KAZN: variants seen among roughly 807,000 people sequenced by gnomAD.
KAZN encodes the protein kazrin.
Under a neutral mutation model 87.4 loss-of-function variants are expected in KAZN, and 40 were observed. The ratio of observed to expected loss-of-function variants is 0.46; its 90% confidence interval spans 0.36 to 0.60. The LOEUF (loss-of-function observed/expected upper bound fraction) is 0.60, where lower values mean the gene tolerates loss of function less well. KAZN is among the 20% of genes least tolerant of loss of function. The pLI, the probability that KAZN is intolerant of heterozygous loss-of-function variation, is 0.00. For synonymous variants in KAZN, 466 were observed against 458.3 expected (o/e 1.02, Z -0.22); for missense variants, 898 against 1,073.9 (o/e 0.84, Z 2.29).
At chr1:15,048,730 A>AGTCC (rs1175918922) in intron 4 of KAZN, among the ~76,000 whole-genome samples, 8 of 98,788 alleles carry the variant, frequency 8.1e-5, no homozygotes, top group African/African-American at 3.0e-4. Context: ...GTCGTTGGTC[A>AGTCC]TGGGTCGTCG....
chr1:13,932,521 A>G (rs1046822783), intron 1 of KAZN, among the ~76,000 whole-genome samples: 1 of 152,228 alleles, frequency 6.6e-6, no homozygotes, highest in South Asian at 2.1e-4. Flanking sequence ...CGGCCTCCCA[A>G]AGTGCTGGGA....
At chr1:13,939,320 A>G (rs1640851083) in intron 1 of KAZN, among the ~76,000 whole-genome samples, 1 of 152,230 alleles carries the variant, frequency 6.6e-6, no homozygotes, top group Non-Finnish European at 1.5e-5. Context: ...ATTTTTTTCC[A>G]CCAGATACCC....
intron 1 of KAZN, among the ~76,000 whole-genome samples, chr1:13,910,820 G>A (rs1046071052): frequency 2.0e-5 from 3 of 152,114 alleles, no homozygotes; most frequent in South Asian, 2.1e-4. Flanking sequence ...AGGTGTGTTC[G>A]GCTGTTCTTG....
intron 1 of KAZN, among the ~76,000 whole-genome samples, chr1:14,893,613 G>C (rs1654958034): frequency 6.6e-6 from 1 of 152,114 alleles, no homozygotes; most frequent in South Asian, 2.1e-4. Flanking sequence ...CTACAGGCTG[G>C]GGAAGGAGAG....
At chr1:15,111,274 G>GT (rs529939312) in intron 13 of KAZN, among the ~76,000 whole-genome samples, 21,029 of 150,286 alleles carry the variant, frequency 0.14, 1,764 homozygotes, top group South Asian at 0.25. Flanking sequence ...GTTGTTGTTT[G>GT]TTGTTGTTGT....
chr1:14,147,996 G>A (rs1194602245), intron 1 of KAZN, among the ~76,000 whole-genome samples: 1 of 151,992 alleles, frequency 6.6e-6, no homozygotes, highest in Non-Finnish European at 1.5e-5. Context: ...GAGGTGGGAG[G>A]ATCACTTGAG....
In KAZN at chr1:14,510,154, G is replaced by A. The variant is rs1462633517; in HGVS notation, c.250-88829G>A. ...AGCACTTTGGGAGGCCGAGGTGGGT[G>A]GATCACCTGAGGTTGGGAGTTTGAG... On this transcript the variant is annotated intron_variant, in intron 2 of 16. Transcript: ENST00000636203. Among the ~76,000 whole-genome samples the A allele has an allele frequency of 2.6e-5, 4 of 152,156 alleles. No homozygotes were observed. The East Asian group carries it at 7.7e-4, about 29-fold the overall frequency.
At chr1:14,372,700 C>A (rs1660590458) in intron 2 of KAZN, among the ~76,000 whole-genome samples, 1 of 152,204 alleles carries the variant, frequency 6.6e-6, no homozygotes, top group Non-Finnish European at 1.5e-5. Context: ...CAAAGCAAAG[C>A]TCACTTCCTC....
chr1:14,017,458 G>A (rs1465453843), intron 1 of KAZN, among the ~76,000 whole-genome samples: 3 of 152,156 alleles, frequency 2.0e-5, no homozygotes, highest in African/African-American at 4.8e-5. Flanking sequence ...TTCCAGACAC[G>A]TGCATTTGTT....
intron 2 of KAZN, among the ~76,000 whole-genome samples, chr1:14,451,233 C>A (rs1311075900): frequency 6.6e-6 from 1 of 152,094 alleles, no homozygotes; most frequent in Non-Finnish European, 1.5e-5. Flanking sequence ...GCTAAGTACC[C>A]CACAAGGACT....
At chr1:15,105,825 C>A (rs981413247) in intron 13 of KAZN, among the ~76,000 whole-genome samples, 9 of 152,164 alleles carry the variant, frequency 5.9e-5, no homozygotes, top group Admixed American at 5.2e-4. Flanking sequence ...CAAAGTGAGG[C>A]CCACCCCACA....
chr1:14,186,278 G>C (rs958231085), intron 2 of KAZN, among the ~76,000 whole-genome samples: 1 of 152,122 alleles, frequency 6.6e-6, no homozygotes, highest in Admixed American at 6.5e-5. Flanking sequence ...GTTACAGTAA[G>C]CAGGATACGA....
chr1:14,816,805 G>T (rs1425297647), intron 1 of KAZN, among the ~76,000 whole-genome samples: 1 of 152,144 alleles, frequency 6.6e-6, no homozygotes, highest in African/African-American at 2.4e-5. Context: ...GAGATGGCTG[G>T]ATGGATAGAT....
At chr1:14,349,048 C>G (rs1658324266) in intron 2 of KAZN, 1 of 152,148 alleles carries the variant, frequency 6.6e-6, no homozygotes, top group African/African-American at 2.4e-5. Context: ...CAAAAGAAAA[C>G]AAAAAGCATG....
Position 14,585,146 on chromosome 1 carries a change from C to T in KAZN, c.250-13837C>T, listed in dbSNP as rs901172471. Reference sequence around the variant, plus strand: ...TCAGAAGAAACTAACCCTGCCAACCCCTTGACCTTGGACTTCCAGCCTCTA... The same window carrying T: ...TCAGAAGAAACTAACCCTGCCAACCTCTTGACCTTGGACTTCCAGCCTCTA... On this transcript the variant is annotated intron_variant, in intron 2 of 16. Transcript: ENST00000636203. Among the ~76,000 whole-genome samples, 3 of 152,156 alleles carry T rather than the reference C, an allele frequency of 2.0e-5. No homozygotes were observed. In the East Asian group the frequency reaches 5.8e-4, roughly 29 times the overall value.
chr1:14,011,396 G>T (rs779209843), intron 1 of KAZN, among the ~76,000 whole-genome samples: 19 of 152,162 alleles, frequency 1.2e-4, no homozygotes, highest in Non-Finnish European at 2.1e-4. Flanking sequence ...TTCTTCCCCA[G>T]TCTTCACCTG....
intron 5 of KAZN, among the ~76,000 whole-genome samples, chr1:15,058,949 G>A (rs1170341266): frequency 6.6e-6 from 1 of 152,000 alleles, no homozygotes; most frequent in Non-Finnish European, 1.5e-5. Context: ...TTGAACCCGG[G>A]AAGCAGAGGT....
chr1:14,608,989 T>C (rs1677596507), intron 1 of KAZN, among the ~76,000 whole-genome samples: 2 of 152,180 alleles, frequency 1.3e-5, no homozygotes, highest in Admixed American at 1.3e-4. Context: ...CGCTCACCGT[T>C]TCTTGATGGT....
At chr1:14,077,802 C>T (rs935931492) in intron 1 of KAZN, among the ~76,000 whole-genome samples, 24 of 151,708 alleles carry the variant, frequency 1.6e-4, no homozygotes, top group Non-Finnish European at 3.4e-4. Context: ...AGTTCTTACA[C>T]GGAGAGAAGA....
Sources: allele counts gnomAD v4.1 joint callset (sites outside exome capture counted in the v4.1 genomes callset), GRCh38; gene constraint gnomAD v4.1.1; transcripts MANE v1.5; gene names NCBI Gene and HGNC (gene_info 2026-07-23, HGNC 2026-07-21).